The following DGCR2 variants were observed in gnomAD, a reference collection of about 807,000 sequenced individuals.
The protein encoded by DGCR2 is DiGeorge syndrome critical region gene 2.
DGCR2 carries 24 observed loss-of-function variants against 51.6 expected under a neutral mutation model. That is an observed-to-expected ratio of 0.47 (90% CI 0.34 to 0.65). DGCR2 has a LOEUF of 0.65. DGCR2 is among the 30% of genes least tolerant of loss of function. The probability of loss-of-function intolerance (pLI) is 0.01; values close to 1 mark genes in which losing one functional copy is unlikely to be tolerated. For missense variants in DGCR2, 765 were observed against 772.1 expected (o/e 0.99, Z 0.11); for synonymous variants, 340 against 315.4 (o/e 1.08, Z -0.82).
chr22:19,063,668 A>C (rs1333186340), intron 4 of DGCR2, among the ~76,000 whole-genome samples: 4 of 152,008 alleles, frequency 2.6e-5, no homozygotes. Flanking sequence ...AGCTTCTAAC[A>C]TGAGACACTC....
chr22:19,106,223 T>C (rs571530017), intron 1 of DGCR2, among the ~76,000 whole-genome samples: 5 of 152,290 alleles, frequency 3.3e-5, no homozygotes, highest in African/African-American at 9.6e-5. Flanking sequence ...ACGGAGGTGA[T>C]GAGGCCCAAA....
At chr22:19,084,040 G>T (rs1205404656) in intron 2 of DGCR2, among the ~76,000 whole-genome samples, 1 of 152,098 alleles carries the variant, frequency 6.6e-6, no homozygotes, top group Non-Finnish European at 1.5e-5. Flanking sequence ...TGCCCAGGCC[G>T]AAGTGCAGTG....
intron 3 of DGCR2, among the ~76,000 whole-genome samples, chr22:19,065,426 G>A (rs963705615): frequency 5.3e-5 from 8 of 152,140 alleles, no homozygotes; most frequent in Non-Finnish European, 1.0e-4. Context: ...TGCTTCCAAT[G>A]CCCAGCTCTC....
intron 1 of DGCR2, among the ~76,000 whole-genome samples, chr22:19,102,287 A>G (rs1026221246): frequency 1.3e-5 from 2 of 152,208 alleles, no homozygotes; most frequent in Non-Finnish European, 2.9e-5. Flanking sequence ...AATAGGGAGT[A>G]TTGTCTAATG....
chr22:19,088,630 C>T (rs2083044071), intron 2 of DGCR2, among the ~76,000 whole-genome samples: 1 of 152,170 alleles, frequency 6.6e-6, no homozygotes, highest in South Asian at 2.1e-4. Flanking sequence ...GACACACTTT[C>T]CCCTTAGTGG....
At position 19,122,400 on chromosome 22, in the gene DGCR2, C is replaced by T; in HGVS notation, c.-194G>A. On this transcript the variant is annotated 5_prime_UTR_variant, in exon 1 of 10. Coordinates refer to ENST00000263196, the MANE Select transcript of DGCR2 (RefSeq NM_005137.3). ...CTGCAACCTCAGGCACCGACTCCAG[C>T]TGCGCGCAAGATGGCGGCCGTCCTG... 1.2e-5 allele frequency: 5 copies of T among 429,694 alleles called. No homozygotes were observed. Among genetic ancestry groups the T allele is most frequent in the East Asian group, 3.9e-5 (1 of 25,910 alleles). 26.6% of individuals were successfully genotyped at this position (429,694 alleles called of 1,614,324 possible). A position where few individuals can be genotyped will look rare whatever the true frequency, so the allele number is the denominator to read the frequency against.
At position 19,065,233 on chromosome 22, in the gene DGCR2, G is replaced by C. The variant is rs911260463; in HGVS notation, c.329-166C>G. ...GCTTCTGAAACCACATTGCAGAAAT[G>C]CTCAAGTTTCTCTAAAACACAGATT... is the stretch of plus-strand genomic sequence containing the variant. On this transcript the variant is annotated intron_variant, in intron 3 of 9. Coordinates refer to ENST00000263196, the MANE Select transcript of DGCR2 (RefSeq NM_005137.3). 18 of 611,646 alleles carry C rather than the reference G, an allele frequency of 2.9e-5. No homozygotes were observed. In the African/African-American group the frequency reaches 3.1e-4, roughly 11 times the overall value. 37.9% of individuals were successfully genotyped at this position (611,646 alleles called of 1,614,324 possible).
At chr22:19,041,368 C>T (rs547568433) in intron 8 of DGCR2, 74 bp from the exon 9 acceptor site, 1 of 1,474,492 alleles carries the variant, frequency 6.8e-7, no homozygotes, top group East Asian at 2.3e-5. Context: ...CTGAGCCCCC[C>T]ACCCCCAGGC....
chr22:19,112,187 C>T (rs570640982), intron 1 of DGCR2, among the ~76,000 whole-genome samples: 4 of 149,904 alleles, frequency 2.7e-5, no homozygotes, highest in African/African-American at 9.7e-5. Context: ...GCAGGAGAAT[C>T]GCTTGAACCC....
chr22:19,088,031 GCTT>G (rs2083037395), intron 2 of DGCR2, among the ~76,000 whole-genome samples: 1 of 152,244 alleles, frequency 6.6e-6, no homozygotes, highest in South Asian at 2.1e-4. Flanking sequence ...GACCATCTCT[GCTT>G]CTTATTTTGG....
intron 2 of DGCR2, among the ~76,000 whole-genome samples, chr22:19,075,175 C>A (rs2082861264): frequency 6.7e-6 from 1 of 149,990 alleles, no homozygotes; most frequent in Non-Finnish European, 1.5e-5. Context: ...CGCCTGTAAT[C>A]CCAGCACTTT....
At chr22:19,095,496 C>T (rs2083128814) in intron 1 of DGCR2, among the ~76,000 whole-genome samples, 1 of 151,782 alleles carries the variant, frequency 6.6e-6, no homozygotes, top group Non-Finnish European at 1.5e-5. Context: ...CCCGTCTCTA[C>T]TGAAAATACA....
At chr22:19,112,891 T>C (rs78669137) in intron 1 of DGCR2, among the ~76,000 whole-genome samples, 2,748 of 144,510 alleles carry the variant, frequency 0.019, 412 homozygotes, top group East Asian at 0.07. Flanking sequence ...TTCTACTTAA[T>C]AGGTCTGCTG....
intron 2 of DGCR2, among the ~76,000 whole-genome samples, chr22:19,072,866 C>T (rs1015142726): frequency 4.6e-5 from 7 of 152,054 alleles, no homozygotes; most frequent in Non-Finnish European, 7.4e-5. Context: ...GAGCAAGACT[C>T]TGTCTAAAAA....
chr22:19,109,601 G>A (rs1464737724), intron 1 of DGCR2, among the ~76,000 whole-genome samples: 3 of 152,168 alleles, frequency 2.0e-5, no homozygotes, highest in Non-Finnish European at 4.4e-5. Flanking sequence ...GTAGGACGGT[G>A]GTTGCCAGGC....
intron 2 of DGCR2, 126 bp from the exon 3 acceptor site, chr22:19,068,351 A>G: frequency 8.6e-7 from 1 of 1,163,040 alleles, no homozygotes; most frequent in Non-Finnish European, 1.1e-6. Flanking sequence ...GAGTCCGGCA[A>G]TGCAGGCTTT....
chr22:19,048,420 C>T lies in DGCR2; in HGVS notation c.1006+20G>A, dbSNP rs200626214. ...CCCAAATAGGGAGGCTGACTTGGGA[C>T]GTCCTATCAAGAGTCTCACCTGGGT... On this transcript the variant is annotated intron_variant, in intron 7 of 9. Coordinates refer to ENST00000263196, the MANE Select transcript of DGCR2 (RefSeq NM_005137.3). 2.5e-6 allele frequency: 4 copies of T among 1,613,384 alleles called. No homozygotes were observed. The highest frequency in any genetic ancestry group is 1.3e-5 in the African/African-American group (1 of 75,054).
In DGCR2 at chr22:19,097,552, G is replaced by GA. The variant is rs1188577633; in HGVS notation, c.80-8063dup. Among the ~76,000 whole-genome samples the GA allele has an allele frequency of 4.6e-5, 7 of 150,982 alleles. No homozygotes were observed. In the South Asian group the frequency reaches 6.3e-4, roughly 14 times the overall value. On this transcript the variant is annotated intron_variant, in intron 1 of 9. Coordinates refer to ENST00000263196, the MANE Select transcript of DGCR2 (RefSeq NM_005137.3). ...GGGCGACAGAGCAAGGCTCTGTCTCGAAAAAAAAAGTAAAGCTTCCTGAGG... is the reference window on the plus strand; with the variant it reads ...GGGCGACAGAGCAAGGCTCTGTCTCGAAAAAAAAAAGTAAAGCTTCCTGAGG...
chr22:19,122,307 C>T lies in DGCR2; in HGVS notation c.-101G>A. ...AGCGGAGGGTCAGGCGGAGCTGAAC[C>T]TGGGCGAGGCGCGGAGAGGCGGCGG... On this transcript the variant is annotated 5_prime_UTR_variant, in exon 1 of 10. Transcript: ENST00000263196. 4 of 974,090 alleles carry T rather than the reference C, an allele frequency of 4.1e-6. No individual in the cohort carries two copies. Among genetic ancestry groups the T allele is most frequent in the Non-Finnish European group, 5.7e-6 (4 of 704,308 alleles). The allele number at this position is 974,090 out of a possible 1,614,324, so 60.3% of individuals were successfully genotyped here. A position where few individuals can be genotyped will look rare whatever the true frequency, so the allele number is the denominator to read the frequency against.
Sources: gnomAD v4.1 joint callset for allele counts (sites outside exome capture counted in the v4.1 genomes callset) on GRCh38, gnomAD v4.1.1 for gene constraint, MANE v1.5 for transcripts, NCBI Gene and HGNC (gene_info 2026-07-23, HGNC 2026-07-21) for gene names.